BCAR3: variants seen among roughly 807,000 people sequenced by gnomAD.
BCAR3 encodes the protein breast cancer anti-estrogen resistance protein 3.
A neutral mutation model predicts 80.1 loss-of-function variants in BCAR3; 37 were observed. That is an observed-to-expected ratio of 0.46 (90% CI 0.36 to 0.61). BCAR3 has a LOEUF of 0.61. Ranked by LOEUF, BCAR3 falls within the 20% of genes least tolerant of loss-of-function variation. The pLI, the probability that BCAR3 is intolerant of heterozygous loss-of-function variation, is 0.00. For missense variants in BCAR3, 978 were observed against 1,068.2 expected (o/e 0.92, Z 1.18); for synonymous variants, 389 against 418.9 (o/e 0.93, Z 0.87).
At chr1:93,741,894 C>T (rs956009435) in intron 2 of BCAR3, among the ~76,000 whole-genome samples, 5 of 152,152 alleles carry the variant, frequency 3.3e-5, no homozygotes, top group African/African-American at 1.2e-4. Flanking sequence ...TTAATCTTCA[C>T]AATGATGTGG....
At chr1:93,689,745 T>C (rs924062525) in intron 3 of BCAR3, among the ~76,000 whole-genome samples, 2 of 152,102 alleles carry the variant, frequency 1.3e-5, no homozygotes, top group African/African-American at 2.4e-5. Flanking sequence ...CAGGCTACCC[T>C]GGGGTTGGGG....
intron 11 of BCAR3, among the ~76,000 whole-genome samples, chr1:93,567,023 C>T (rs556564056): frequency 2.6e-5 from 4 of 152,290 alleles, no homozygotes; most frequent in East Asian, 1.9e-4. Context: ...CCACCACGCC[C>T]GGCCCCAGTT....
At position 93,674,809 on chromosome 1, in the gene BCAR3, G is replaced by A. The variant is rs775304793; in HGVS notation, c.122C>T (p.Ala41Val). 1.2e-6 allele frequency: 2 copies of A among 1,607,628 alleles called. No homozygotes were observed. Among genetic ancestry groups the A allele is most frequent in the Non-Finnish European group, 8.5e-7 (1 of 1,177,644 alleles). Residue 41 changes from alanine to valine, a missense_variant, in exon 2 of 12, where the codon GCC (alanine) becomes GTC (valine). Ala to Val is a moderately conservative substitution (Grantham distance 64). Transcript: ENST00000260502. ...GCCATGTATAGACACATCTTGATAG[G>A]CATCTGGGCGATGCTCAGCGAGAGG... ...RSPLAEHRPD[A>V]YQDVSIHGTL...
At position 93,584,199 on chromosome 1, in the gene BCAR3, T is replaced by TA. The variant is rs1460374268; in HGVS notation, c.930-79dup. On this transcript the variant is annotated intron_variant, in intron 5 of 11. Coordinates refer to ENST00000260502, the MANE Select transcript of BCAR3 (RefSeq NM_003567.4). ...ACTTTTAGGCAATGCCATGGGAACT[T>TA]AAACAAAAACAAAAAAAAAGAAAAC... The TA allele has an allele frequency of 4.6e-6, 6 of 1,314,646 alleles. No homozygotes were observed. In the East Asian group the frequency reaches 1.2e-4, roughly 26 times the overall value. 81.4% of individuals were successfully genotyped at this position (1,314,646 alleles called of 1,614,324 possible).
intron 2 of BCAR3, among the ~76,000 whole-genome samples, chr1:93,652,681 C>A (rs1185549208): frequency 1.3e-5 from 2 of 151,964 alleles, no homozygotes; most frequent in Admixed American, 1.3e-4. Context: ...AATTATGAGT[C>A]CTCACCCTGT....
At chr1:93,724,601 T>A (rs1571075738) in intron 2 of BCAR3, among the ~76,000 whole-genome samples, 2 of 152,146 alleles carry the variant, frequency 1.3e-5, no homozygotes, top group East Asian at 3.9e-4. Context: ...TGACCGGCTG[T>A]CCAGTCTGAG....
chr1:93,627,750 T>G (rs1420519546), intron 3 of BCAR3, among the ~76,000 whole-genome samples: 1 of 152,194 alleles, frequency 6.6e-6, no homozygotes. Context: ...ATGATGAGTA[T>G]CAATAGCTAG....
At chr1:93,637,234 A>ATC (rs1675813684) in intron 3 of BCAR3, among the ~76,000 whole-genome samples, 1 of 152,000 alleles carries the variant, frequency 6.6e-6, no homozygotes, top group African/African-American at 2.4e-5. Flanking sequence ...CAATGGCCCA[A>ATC]TCTCGGCTCA....
intron 2 of BCAR3, among the ~76,000 whole-genome samples, chr1:93,646,075 A>T (rs1676141540): frequency 6.6e-6 from 1 of 152,182 alleles, no homozygotes; most frequent in South Asian, 2.1e-4. Context: ...ACTACTAAAA[A>T]TATATAAAGA....
At chr1:93,712,509 C>T (rs1650058482) in intron 2 of BCAR3, among the ~76,000 whole-genome samples, 1 of 152,186 alleles carries the variant, frequency 6.6e-6, no homozygotes, top group Non-Finnish European at 1.5e-5. Context: ...TTGTACTCTC[C>T]AGCCATCATA....
chr1:93,724,191 A>T (rs1289819854), intron 2 of BCAR3, among the ~76,000 whole-genome samples: 2 of 152,172 alleles, frequency 1.3e-5, no homozygotes, highest in Non-Finnish European at 2.9e-5. Context: ...CACAGAGGGG[A>T]ACCGAGGCCC....
At chr1:93,805,367 T>C (rs981689696) in intron 2 of BCAR3, among the ~76,000 whole-genome samples, 1 of 152,196 alleles carries the variant, frequency 6.6e-6, no homozygotes, top group African/African-American at 2.4e-5. Context: ...GGATCCTAGA[T>C]AGCAGTAATG....
intron 3 of BCAR3, among the ~76,000 whole-genome samples, chr1:93,607,863 C>T (rs989713465): frequency 1.3e-5 from 2 of 152,192 alleles, no homozygotes; most frequent in African/African-American, 4.8e-5. Flanking sequence ...CAAAGCACAG[C>T]GTAAGCTGCT....
chr1:93,609,500 C>T (rs1470197035), intron 3 of BCAR3, among the ~76,000 whole-genome samples: 1 of 152,232 alleles, frequency 6.6e-6, no homozygotes, highest in Non-Finnish European at 1.5e-5. Flanking sequence ...CCCTGACCTT[C>T]CTCAGGCGCA....
At chr1:93,582,158 G>A (rs1055190904) in intron 7 of BCAR3, 143 bp downstream of exon 7, 20 of 1,103,314 alleles carry the variant, frequency 1.8e-5, no homozygotes, top group Non-Finnish European at 2.5e-5. Context: ...CTTTCCTATG[G>A]GCAAAGCATT....
At chr1:93,620,892 C>T (rs1449712731) in intron 3 of BCAR3, among the ~76,000 whole-genome samples, 1 of 152,246 alleles carries the variant, frequency 6.6e-6, no homozygotes, top group Non-Finnish European at 1.5e-5. Flanking sequence ...ATACTGCCTT[C>T]TGCCTAGATC....
At chr1:93,735,404 A>C (rs374532233) in intron 2 of BCAR3, among the ~76,000 whole-genome samples, 10 of 152,328 alleles carry the variant, frequency 6.6e-5, no homozygotes, top group Admixed American at 6.5e-4. Context: ...GAGCTCTGTC[A>C]TGGCAGACAA....
At chr1:93,685,756 A>C (rs1648952404), upstream of BCAR3, among the ~76,000 whole-genome samples, 1 of 152,224 alleles carries the variant, frequency 6.6e-6, no homozygotes, top group African/African-American at 2.4e-5. Flanking sequence ...CAATGTAAGA[A>C]AATGCCTATT....
intron 2 of BCAR3, among the ~76,000 whole-genome samples, chr1:93,710,715 T>C (rs1417686355): frequency 6.6e-6 from 1 of 152,228 alleles, no homozygotes; most frequent in Admixed American, 6.5e-5. Flanking sequence ...TCTGGAACAC[T>C]CCATCCCCTC....
Sources: allele counts gnomAD v4.1 joint callset (sites outside exome capture counted in the v4.1 genomes callset), GRCh38; gene constraint gnomAD v4.1.1; transcripts MANE v1.5; gene names NCBI Gene and HGNC (gene_info 2026-07-23, HGNC 2026-07-21).